The following LRRC4C variants were observed in gnomAD, a reference collection of about 807,000 sequenced individuals.
LRRC4C encodes leucine-rich repeat-containing protein 4C.
In LRRC4C, 5 loss-of-function variants were observed where a neutral mutation model predicts 33.6. The ratio of observed to expected loss-of-function variants is 0.15; its 90% CI spans 0.08 to 0.31. The LOEUF (loss-of-function observed/expected upper bound fraction) is 0.31, where lower values mean the gene tolerates loss of function less well. Among genes scored for constraint, LRRC4C ranks in the 10% least tolerant of loss-of-function variants. The pLI is 1.00. For missense variants in LRRC4C, 560 were observed against 796.7 expected (o/e 0.70, Z 3.58); for synonymous variants, 329 against 302.0 (o/e 1.09, Z -0.93).
rs1946434082 is a variant in LRRC4C, at chr11:40,710,981, G to A, written c.-406-62703C>T. On this transcript the variant is annotated intron_variant, in intron 2 of 6. Coordinates refer to ENST00000528697, the MANE Select transcript of LRRC4C (RefSeq NM_001258419.2). ...ACTAGCAGTGGGCAAGGCTCTGTGG[G>A]TGTGGGACCCGCTGAGCCAGGCGTG... 3.3e-5 allele frequency among the ~76,000 whole-genome samples: 5 copies of A among 152,186 alleles called. No homozygotes were observed. In the South Asian group the frequency reaches 8.3e-4, roughly 25 times the overall value.
At chr11:41,288,232 AG>A (rs1479709143) in intron 1 of LRRC4C, among the ~76,000 whole-genome samples, 1 of 152,234 alleles carries the variant, frequency 6.6e-6, no homozygotes, top group Non-Finnish European at 1.5e-5. Flanking sequence ...AGAGCCACTT[AG>A]GCTTGACAGT....
At chr11:40,772,387 G>T (rs928466643) in intron 2 of LRRC4C, among the ~76,000 whole-genome samples, 1 of 152,128 alleles carries the variant, frequency 6.6e-6, no homozygotes, top group Non-Finnish European at 1.5e-5. Flanking sequence ...ATACAATTTG[G>T]ATTACAATTC....
chr11:40,887,870 C>T (rs1955534682), intron 2 of LRRC4C, among the ~76,000 whole-genome samples: 1 of 151,832 alleles, frequency 6.6e-6, no homozygotes, highest in Admixed American at 6.6e-5. Context: ...TAAGGTACTG[C>T]CTAGAAAATT....
At chr11:40,776,201 T>A (rs1214345723) in intron 2 of LRRC4C, among the ~76,000 whole-genome samples, 1 of 152,146 alleles carries the variant, frequency 6.6e-6, no homozygotes, top group African/African-American at 2.4e-5. Context: ...GATTTTTGCA[T>A]CTGTGTTCAT....
chr11:40,481,505 C>G (rs1194616195), intron 3 of LRRC4C, among the ~76,000 whole-genome samples: 1 of 151,992 alleles, frequency 6.6e-6, no homozygotes, highest in Admixed American at 6.6e-5. Context: ...GGATAGGGGC[C>G]TAACTCTAAA....
intron 2 of LRRC4C, among the ~76,000 whole-genome samples, chr11:40,876,484 G>A (rs1591966361): frequency 6.6e-6 from 1 of 152,064 alleles, no homozygotes; most frequent in African/African-American, 2.4e-5. Flanking sequence ...CTTGAACACA[G>A]TTGTCATTCT....
intron 3 of LRRC4C, among the ~76,000 whole-genome samples, chr11:40,394,463 G>A (rs544635441): frequency 3.9e-5 from 6 of 152,202 alleles, no homozygotes; most frequent in East Asian, 3.9e-4. Flanking sequence ...TGACTTGTTC[G>A]CTTTTCTCCA....
chr11:40,716,052 A>AC (rs1002316115), intron 2 of LRRC4C, among the ~76,000 whole-genome samples: 138 of 151,884 alleles, frequency 9.1e-4, no homozygotes, highest in Middle Eastern at 3.4e-3. Flanking sequence ...AAACAAACAA[A>AC]AAAAAAACAA....
intron 4 of LRRC4C, among the ~76,000 whole-genome samples, chr11:40,267,513 G>C (rs77193512): frequency 6.6e-6 from 1 of 151,812 alleles, no homozygotes; most frequent in African/African-American, 2.4e-5. Context: ...CACCACACCC[G>C]GCTAATTTTT....
chr11:40,144,450 G>A (rs1857583118), intron 5 of LRRC4C, among the ~76,000 whole-genome samples: 1 of 152,114 alleles, frequency 6.6e-6, no homozygotes, highest in African/African-American at 2.4e-5. Flanking sequence ...GTCCCCAGAT[G>A]TATTATTAAG....
At position 40,114,275 on chromosome 11, in the gene LRRC4C, T is replaced by G. The variant is rs1224225178; in HGVS notation, c.*95A>C. On this transcript the variant is annotated 3_prime_UTR_variant, in exon 7 of 7. Transcript: ENST00000528697. ...TTTTTTGTTTTTTTGTAAAGACACT[T>G]TTTTGAAACAGTAGATTTAGCCCAG... The G allele has an allele frequency of 7.5e-7, 1 of 1,327,426 alleles. No homozygotes were observed. The highest frequency in any genetic ancestry group is 1.0e-6 in the Non-Finnish European group (1 of 998,092). The allele number at this position is 1,327,426 out of a possible 1,614,324, so 82.2% of individuals were successfully genotyped here. A position where few individuals can be genotyped will look rare whatever the true frequency, so the allele number is the denominator to read the frequency against.
At chr11:41,361,454 A>G (rs1428539322) in intron 1 of LRRC4C, among the ~76,000 whole-genome samples, 3 of 152,168 alleles carry the variant, frequency 2.0e-5, no homozygotes, top group African/African-American at 7.2e-5. Context: ...TGTTCACACA[A>G]TTTGCCCATG....
intron 1 of LRRC4C, among the ~76,000 whole-genome samples, chr11:41,177,631 C>T (rs1315771223): frequency 6.6e-6 from 1 of 152,162 alleles, no homozygotes; most frequent in Non-Finnish European, 1.5e-5. Flanking sequence ...AGTCAATTCA[C>T]TAATGATATG....
At chr11:40,608,144 T>C (rs1299717668) in intron 3 of LRRC4C, among the ~76,000 whole-genome samples, 1 of 152,168 alleles carries the variant, frequency 6.6e-6, no homozygotes, top group African/African-American at 2.4e-5. Context: ...ACTTTTAATT[T>C]GGGTATAGGA....
intron 2 of LRRC4C, among the ~76,000 whole-genome samples, chr11:40,706,911 T>G (rs1267542530): frequency 6.6e-6 from 1 of 152,206 alleles, no homozygotes; most frequent in African/African-American, 2.4e-5. Context: ...TAGTTCTCCT[T>G]GAAGAGGTCC....
Position 40,377,881 on chromosome 11 carries a change from G to A in LRRC4C, c.-269-58160C>T, listed in dbSNP as rs529313306. On this transcript the variant is annotated intron_variant, in intron 3 of 6. Transcript: ENST00000528697. ...AGTGCTACTGGCATACAGTGGTAGA[G>A]GCCAGTGACAATTCTAAACCTCTTA... Among the ~76,000 whole-genome samples the A allele has an allele frequency of 2.6e-5, 4 of 152,156 alleles. No homozygotes were observed. The South Asian group carries it at 8.3e-4, about 32-fold the overall frequency.
chr11:41,235,861 C>T (rs1315448285), intron 1 of LRRC4C, among the ~76,000 whole-genome samples: 1 of 152,068 alleles, frequency 6.6e-6, no homozygotes, highest in Non-Finnish European at 1.5e-5. Context: ...AATTCAGCCT[C>T]CTTGACAGCT....
At chr11:41,072,377 A>T (rs766648638) in intron 1 of LRRC4C, among the ~76,000 whole-genome samples, 1 of 118,876 alleles carries the variant, frequency 8.4e-6, no homozygotes, top group Non-Finnish European at 1.7e-5. Context: ...ATTAAAAAAA[A>T]ATTGTGATCT....
intron 4 of LRRC4C, among the ~76,000 whole-genome samples, chr11:40,296,735 A>T (rs971793826): frequency 6.6e-6 from 1 of 152,240 alleles, no homozygotes; most frequent in African/African-American, 2.4e-5. Context: ...AAAAAACATA[A>T]TTATAGATAT....
Sources: allele counts gnomAD v4.1 joint callset (sites outside exome capture counted in the v4.1 genomes callset), GRCh38; gene constraint gnomAD v4.1.1; transcripts MANE v1.5; gene names NCBI Gene and HGNC (gene_info 2026-07-23, HGNC 2026-07-21).